The following ADGRB3 variants were observed in gnomAD, a reference collection of about 807,000 sequenced individuals.
ADGRB3 encodes the protein brain-specific angiogenesis inhibitor 3.
A neutral mutation model predicts 193.4 loss-of-function variants in ADGRB3; 37 were observed. The ratio of observed to expected loss-of-function variants is 0.19; its 90% CI spans 0.15 to 0.25. The LOEUF is 0.25. Among genes scored for constraint, ADGRB3 ranks in the 10% least tolerant of loss-of-function variants. ADGRB3 has a pLI of 1.00. For synonymous variants in ADGRB3, 690 were observed against 644.2 expected (o/e 1.07, Z -1.08); for missense variants, 1,637 against 1,852.9 (o/e 0.88, Z 2.14).
At chr6:68,956,228 T>A in intron 7 of ADGRB3, 40 bp downstream of exon 7, 1 of 1,551,272 alleles carries the variant, frequency 6.4e-7, no homozygotes, top group African/African-American at 1.4e-5. Context: ...ACTCGTACCA[T>A]GTAAAGGGCA....
intron 17 of ADGRB3, among the ~76,000 whole-genome samples, chr6:69,129,816 G>C (rs535214655): frequency 6.6e-6 from 1 of 152,050 alleles, no homozygotes; most frequent in Admixed American, 6.5e-5. Context: ...AATAGAAAAA[G>C]AATTGTGTTG....
intron 26 of ADGRB3, among the ~76,000 whole-genome samples, chr6:69,344,468 C>A (rs1392364898): frequency 6.6e-6 from 1 of 152,174 alleles, no homozygotes; most frequent in East Asian, 1.9e-4. Context: ...AAATGATTTA[C>A]ATGCACATGG....
In ADGRB3 at chr6:68,956,021, T is replaced by G; in HGVS notation, c.1196-3T>G. ...CATGCTGTCTCTTTTTCTGCTTTGG[T>G]AGTTGATGGACAGTGGCAAGAGTGG... On this transcript the variant is annotated splice_region_variant and splice_polypyrimidine_tract_variant and intron_variant, in intron 6 of 31. Coordinates refer to ENST00000370598, the MANE Select transcript of ADGRB3 (RefSeq NM_001704.3). 6.2e-7 allele frequency: 1 copy of G among 1,611,902 alleles called. No individual in the cohort carries two copies. Among genetic ancestry groups the G allele is most frequent in the Non-Finnish European group, 8.5e-7 (1 of 1,179,186 alleles).
At chr6:68,705,839 C>T (rs1031215675) in intron 3 of ADGRB3, among the ~76,000 whole-genome samples, 6 of 152,136 alleles carry the variant, frequency 3.9e-5, no homozygotes, top group African/African-American at 1.2e-4. Context: ...AAGTTACATC[C>T]AGACAGAAGG....
At chr6:68,737,895 G>C (rs1251680636) in intron 3 of ADGRB3, among the ~76,000 whole-genome samples, 2 of 152,038 alleles carry the variant, frequency 1.3e-5, no homozygotes, top group Non-Finnish European at 2.9e-5. Flanking sequence ...GAGAGTTCAG[G>C]GTTTAGTGGG....
intron 3 of ADGRB3, among the ~76,000 whole-genome samples, chr6:68,921,052 T>C (rs1767030013): frequency 6.6e-6 from 1 of 152,036 alleles, no homozygotes; most frequent in African/African-American, 2.4e-5. Context: ...GAGAAAAAAG[T>C]AGCAATGGCA....
chr6:68,884,060 T>A (rs1416631290), intron 3 of ADGRB3, among the ~76,000 whole-genome samples: 1 of 152,220 alleles, frequency 6.6e-6, no homozygotes, highest in African/African-American at 2.4e-5. Context: ...TGTTTGGCAC[T>A]AAATGTGACA....
Position 68,763,131 on chromosome 6 carries a change from C to T in ADGRB3, c.757+123699C>T, listed in dbSNP as rs140582488. On this transcript the variant is annotated intron_variant, in intron 3 of 31. Coordinates refer to ENST00000370598, the MANE Select transcript of ADGRB3 (RefSeq NM_001704.3). ...TTTGAGATGGAGTCTGGCTCTGTCA[C>T]CCAGGCTGGAGTGCAATGGCACGAT... is the stretch of plus-strand genomic sequence containing the variant. 1.9e-3 allele frequency among the ~76,000 whole-genome samples: 286 copies of T among 152,250 alleles called. 3 individuals carry two copies. Among genetic ancestry groups the T allele is most frequent in the African/African-American group, 6.5e-3 (270 of 41,548 alleles).
At chr6:68,674,286 C>T (rs566422033) in intron 3 of ADGRB3, among the ~76,000 whole-genome samples, 19 of 151,934 alleles carry the variant, frequency 1.3e-4, no homozygotes, top group South Asian at 4.2e-4. Context: ...TTAGTTGCAA[C>T]GTAACATGAT....
At position 69,018,512 on chromosome 6, in the gene ADGRB3, A is replaced by C. The variant is rs1554244885; in HGVS notation, c.2107+13A>C. 6.4e-7 allele frequency: 1 copy of C among 1,553,400 alleles called. No individual in the cohort carries two copies. The highest frequency in any genetic ancestry group is 1.1e-5 in the South Asian group (1 of 88,624). Reference sequence around the variant, plus strand: ...ACTGGAAATGTAGGTAAGAAATAGGATTTTCCCCCAAAATCTTTCTGAAAT... The same window carrying C: ...ACTGGAAATGTAGGTAAGAAATAGGCTTTTCCCCCAAAATCTTTCTGAAAT... On this transcript the variant is annotated intron_variant, in intron 13 of 31. Coordinates refer to ENST00000370598, the MANE Select transcript of ADGRB3 (RefSeq NM_001704.3).
chr6:69,031,615 C>CT (rs1770711930), intron 13 of ADGRB3, among the ~76,000 whole-genome samples: 1 of 113,028 alleles, frequency 8.8e-6, no homozygotes, highest in East Asian at 2.4e-4. Context: ...CCTTTCTTTC[C>CT]TTTTTTTCTT....
chr6:69,192,893 C>T (rs913767545), intron 17 of ADGRB3, among the ~76,000 whole-genome samples: 2 of 152,118 alleles, frequency 1.3e-5, no homozygotes, highest in African/African-American at 4.8e-5. Flanking sequence ...CTATTTTTCA[C>T]TGCTGACTAC....
intron 28 of ADGRB3, among the ~76,000 whole-genome samples, chr6:69,356,100 G>A (rs1298399466): frequency 6.6e-6 from 1 of 152,106 alleles, no homozygotes; most frequent in Non-Finnish European, 1.5e-5. Flanking sequence ...GTAGTCTTGG[G>A]CAGCAGCAAG....
chr6:68,654,794 A>C (rs1341963537), intron 3 of ADGRB3, among the ~76,000 whole-genome samples: 2 of 151,930 alleles, frequency 1.3e-5, no homozygotes, highest in Non-Finnish European at 2.9e-5. Context: ...AAGAATAAAA[A>C]TACCTTCTGC....
chr6:68,784,489 C>T (rs957572978), intron 3 of ADGRB3, among the ~76,000 whole-genome samples: 24 of 152,144 alleles, frequency 1.6e-4, no homozygotes, highest in African/African-American at 5.5e-4. Flanking sequence ...ATTATATTTT[C>T]CTTGTATATC....
chr6:68,693,836 A>G (rs1270230758), intron 3 of ADGRB3, among the ~76,000 whole-genome samples: 1 of 152,006 alleles, frequency 6.6e-6, no homozygotes, highest in Non-Finnish European at 1.5e-5. Flanking sequence ...AGTATTTAAG[A>G]ATTTCAAATT....
At chr6:69,304,906 T>C (rs1768031879) in intron 20 of ADGRB3, among the ~76,000 whole-genome samples, 1 of 151,560 alleles carries the variant, frequency 6.6e-6, no homozygotes, top group African/African-American at 2.4e-5. Flanking sequence ...TGGTGCACCA[T>C]TAATGAATCT....
intron 17 of ADGRB3, among the ~76,000 whole-genome samples, chr6:69,120,089 C>T (rs9360374): frequency 0.64 from 97,026 of 152,024 alleles, 32,217 homozygotes; most frequent in East Asian, 0.95. Context: ...AGTTCAAAAA[C>T]TGTGGCCTGG....
In ADGRB3 at chr6:69,049,352, C is replaced by A; in HGVS notation, c.2333+6C>A. The stretch of plus-strand genomic sequence containing the variant: ...CTAATTTTGCCCACTTTGAGGTAAG[C>A]TACAAAGTAATAAACTGTTGTAATT... On this transcript the variant is annotated splice_donor_region_variant and intron_variant, in intron 15 of 31. Transcript: ENST00000370598. 6.3e-7 allele frequency: 1 copy of A among 1,589,420 alleles called. No individual in the cohort carries two copies. Among genetic ancestry groups the A allele is most frequent in the Non-Finnish European group, 8.6e-7 (1 of 1,161,280 alleles).
Sources: gnomAD v4.1 joint callset for allele counts (sites outside exome capture counted in the v4.1 genomes callset) on GRCh38, gnomAD v4.1.1 for gene constraint, MANE v1.5 for transcripts, NCBI Gene and HGNC (gene_info 2026-07-23, HGNC 2026-07-21) for gene names.